Variants in CNTN5 observed in about 807,000 individuals in gnomAD.
CNTN5 encodes contactin 5, also known as contactin-5.
CNTN5 carries 77 observed loss-of-function variants against 129.1 expected under a neutral mutation model. The ratio of observed to expected loss-of-function variants is 0.60; its 90% CI spans 0.50 to 0.72. The LOEUF (loss-of-function observed/expected upper bound fraction) is 0.72, where lower values mean the gene tolerates loss of function less well. CNTN5 is among the 30% of genes least tolerant of loss of function. The pLI is 0.00. For synonymous variants in CNTN5, 509 were observed against 465.6 expected, an observed-to-expected ratio of 1.09 and a Z score of -1.20; for missense variants, 1,478 against 1,328.8, an observed-to-expected ratio of 1.11 and a Z score of -1.75.
intron 6 of CNTN5, among the ~76,000 whole-genome samples, chr11:99,888,697 T>C (rs1162312296): frequency 6.6e-6 from 1 of 152,148 alleles, no homozygotes; most frequent in Non-Finnish European, 1.5e-5. Context: ...AAAGAAAACC[T>C]CTGTGGCAAT....
intron 1 of CNTN5, among the ~76,000 whole-genome samples, chr11:99,044,920 A>C (rs1800790438): frequency 6.6e-6 from 1 of 152,200 alleles, no homozygotes; most frequent in Non-Finnish European, 1.5e-5. Context: ...ACCCAACTTT[A>C]CCACTTACTC....
chr11:100,281,608 G>A (rs1226543532), intron 18 of CNTN5, among the ~76,000 whole-genome samples: 1 of 151,962 alleles, frequency 6.6e-6, no homozygotes, highest in Non-Finnish European at 1.5e-5. Flanking sequence ...TAACCTTCTT[G>A]TACTTAAATG....
chr11:100,039,586 C>T (rs1014623947), intron 9 of CNTN5, among the ~76,000 whole-genome samples: 1 of 152,194 alleles, frequency 6.6e-6, no homozygotes, highest in African/African-American at 2.4e-5. Flanking sequence ...TTCCATTCTC[C>T]CCGTCACTTT....
chr11:99,753,691 CT>C (rs370112097), intron 3 of CNTN5, among the ~76,000 whole-genome samples: 43,377 of 113,148 alleles, frequency 0.38, 8,096 homozygotes, highest in East Asian at 0.66. Flanking sequence ...AAATCACTTC[CT>C]TTTTTTTTTT....
At chr11:99,495,308 T>C (rs1028864286) in intron 2 of CNTN5, among the ~76,000 whole-genome samples, 11 of 152,100 alleles carry the variant, frequency 7.2e-5, no homozygotes, top group Admixed American at 7.2e-4. Context: ...GCGGAGGCTG[T>C]AGAGAGCTGA....
intron 2 of CNTN5, among the ~76,000 whole-genome samples, chr11:99,424,502 G>T (rs1943034102): frequency 6.6e-6 from 1 of 151,290 alleles, no homozygotes; most frequent in African/African-American, 2.4e-5. Flanking sequence ...ACTGAACACA[G>T]CCAGGCATGC....
chr11:99,663,239 G>T (rs1428087537), intron 3 of CNTN5, among the ~76,000 whole-genome samples: 1 of 152,256 alleles, frequency 6.6e-6, no homozygotes. Context: ...GAGGCCGAGG[G>T]CTGGCAGATC....
At chr11:99,917,496 G>T (rs10160333) in intron 7 of CNTN5, among the ~76,000 whole-genome samples, 14,050 of 152,008 alleles carry the variant, frequency 0.092, 717 homozygotes, top group African/African-American at 0.13. Context: ...GGGGTTATTA[G>T]TTGAATAATT....
At chr11:99,034,345 T>G (rs1396165221) in intron 1 of CNTN5, among the ~76,000 whole-genome samples, 2 of 151,924 alleles carry the variant, frequency 1.3e-5, no homozygotes, top group African/African-American at 4.8e-5. Flanking sequence ...GAAGGAATGG[T>G]ACCAGTTCCT....
At chr11:100,294,422 A>G (rs1471590068) in intron 18 of CNTN5, among the ~76,000 whole-genome samples, 1 of 151,754 alleles carries the variant, frequency 6.6e-6, no homozygotes, top group African/African-American at 2.4e-5. Context: ...GGTAAGACTT[A>G]AAACAGCTAG....
At chr11:100,216,636 G>C (rs1591401846) in intron 15 of CNTN5, among the ~76,000 whole-genome samples, 1 of 151,872 alleles carries the variant, frequency 6.6e-6, no homozygotes, top group South Asian at 2.1e-4. Flanking sequence ...AATGGGTCTT[G>C]GGTGTTATCG....
intron 1 of CNTN5, among the ~76,000 whole-genome samples, chr11:99,162,284 T>TTC (rs1307652676): frequency 6.6e-6 from 1 of 151,926 alleles, no homozygotes; most frequent in Non-Finnish European, 1.5e-5. Context: ...ATGTTTTTTT[T>TTC]TTCTTTTCAT....
intron 7 of CNTN5, among the ~76,000 whole-genome samples, chr11:99,931,532 T>C (rs1430195036): frequency 2.0e-5 from 3 of 152,220 alleles, no homozygotes; most frequent in African/African-American, 7.2e-5. Flanking sequence ...AGTAAAAGGA[T>C]TTGACCCAAG....
chr11:99,739,025 C>G (rs778296957), intron 3 of CNTN5, among the ~76,000 whole-genome samples: 4 of 152,086 alleles, frequency 2.6e-5, no homozygotes, highest in Non-Finnish European at 5.9e-5. Context: ...ATTAAGAGTT[C>G]AAACATCTGA....
chr11:100,273,098 T>A (rs1012099345), intron 18 of CNTN5, among the ~76,000 whole-genome samples: 2 of 152,088 alleles, frequency 1.3e-5, no homozygotes, highest in Non-Finnish European at 2.9e-5. Flanking sequence ...AACACCTTAG[T>A]CTGCTGGCCT....
chr11:100,092,431 G>C (rs1007617476), intron 13 of CNTN5, among the ~76,000 whole-genome samples: 8 of 152,044 alleles, frequency 5.3e-5, no homozygotes, highest in African/African-American at 1.9e-4. Flanking sequence ...GCATTTTCGT[G>C]GTGAATGTGT....
intron 6 of CNTN5, among the ~76,000 whole-genome samples, chr11:99,848,740 G>A (rs1428131694): frequency 6.6e-6 from 1 of 152,036 alleles, no homozygotes. Flanking sequence ...TTTATCATAT[G>A]TTGTAAAATA....
At chr11:99,616,354 A>G (rs1950760962) in intron 3 of CNTN5, among the ~76,000 whole-genome samples, 1 of 152,306 alleles carries the variant, frequency 6.6e-6, no homozygotes, top group South Asian at 2.1e-4. Context: ...ACTTCCTGCC[A>G]TGTGACTTTG....
In CNTN5 at chr11:99,342,689, C is replaced by T. The variant is rs370067822; in HGVS notation, c.-71+17205C>T. Among the ~76,000 whole-genome samples the T allele has an allele frequency of 2.0e-5, 3 of 147,820 alleles. No individual in the cohort carries two copies. The South Asian group carries it at 6.4e-4, about 32-fold the overall frequency. ...GGAGATGGAGGTTGTGGTGATAGTA[C>T]CACTGCACTCCAGCTTGGGCAACAG... On this transcript the variant is annotated intron_variant, in intron 2 of 24. Coordinates refer to ENST00000524871, the MANE Select transcript of CNTN5 (RefSeq NM_014361.4).
Sources: gnomAD v4.1 joint callset for allele counts (sites outside exome capture counted in the v4.1 genomes callset) on GRCh38, gnomAD v4.1.1 for gene constraint, MANE v1.5 for transcripts, NCBI Gene and HGNC (gene_info 2026-07-23, HGNC 2026-07-21) for gene names.